GPHN: variants seen among roughly 807,000 people sequenced by gnomAD.
The protein encoded by GPHN is gephyrin.
GPHN carries 17 observed loss-of-function variants against 95.5 expected under a neutral mutation model. The ratio of observed to expected loss-of-function variants is 0.18; its 90% CI spans 0.12 to 0.27. GPHN has a LOEUF of 0.27. GPHN is among the 10% of genes least tolerant of loss of function. The pLI is 1.00. For missense variants in GPHN, 660 were observed against 978.1 expected, an observed-to-expected ratio of 0.67 and a Z score of 4.34; for synonymous variants, 320 against 322.5, an observed-to-expected ratio of 0.99 and a Z score of 0.08.
At chr14:67,254,025 T>TCCC in the GPHN span, among the ~76,000 whole-genome samples, 13 of 122,998 alleles carry the variant, frequency 1.1e-4, no homozygotes, top group East Asian at 8.1e-4. Context: ...CTTATATTCA[T>TCCC]CCCCCCCCCC....
intron 1 of GPHN, among the ~76,000 whole-genome samples, chr14:66,521,313 A>G (rs1450977732): frequency 6.6e-6 from 1 of 151,918 alleles, no homozygotes; most frequent in Non-Finnish European, 1.5e-5. Flanking sequence ...CTCACCTGGC[A>G]TGACTCACAT....
chr14:66,525,200 A>G (rs2058637586), intron 1 of GPHN, among the ~76,000 whole-genome samples: 1 of 152,192 alleles, frequency 6.6e-6, no homozygotes, highest in Admixed American at 6.5e-5. Flanking sequence ...AACTGGCGTG[A>G]GATGGTATCA....
chr14:67,002,781 A>G (rs2072325982), intron 9 of GPHN, among the ~76,000 whole-genome samples: 2 of 151,538 alleles, frequency 1.3e-5, no homozygotes, highest in African/African-American at 4.8e-5. Flanking sequence ...TATTAACTAT[A>G]TTATTATCAG....
chr14:67,261,425 T>A, the GPHN span, among the ~76,000 whole-genome samples: 2 of 152,146 alleles, frequency 1.3e-5, no homozygotes. Flanking sequence ...GTTGGTATAG[T>A]TATAAGTATG....
intron 4 of GPHN, among the ~76,000 whole-genome samples, chr14:66,875,146 C>A (rs1353269392): frequency 6.6e-6 from 1 of 152,156 alleles, no homozygotes; most frequent in African/African-American, 2.4e-5. Context: ...AATTTCATAT[C>A]TGGCCAAACT....
the GPHN span, chr14:67,302,672 G>T: frequency 2.2e-6 from 2 of 921,846 alleles, no homozygotes; most frequent in Non-Finnish European, 3.0e-6. Flanking sequence ...AGCACTAGAT[G>T]ATTTCTAGCC....
In GPHN at chr14:67,114,622, C is replaced by T. The variant is rs180929614; in HGVS notation, c.1626+1451C>T. On this transcript the variant is annotated intron_variant, in intron 16 of 22. Transcript: ENST00000478722. ...GGAGGATCACTTGAGCTCAAGAATT[C>T]AAGGCTGCAGTGAGCTATGATGGCA... is the stretch of plus-strand genomic sequence containing the variant. Among the ~76,000 whole-genome samples the T allele has an allele frequency of 3.3e-5, 5 of 152,264 alleles. 1 individual carries two copies. Among genetic ancestry groups the T allele is most frequent in the African/African-American group, 1.2e-4 (5 of 41,548 alleles).
intron 2 of GPHN, among the ~76,000 whole-genome samples, chr14:66,742,719 A>AATTTCTGGCCTTC (rs2072894448): frequency 6.6e-6 from 1 of 152,062 alleles, no homozygotes; most frequent in Admixed American, 6.6e-5. Context: ...TCTAAGCCTG[A>AATTTCTGGCCTTC]ATTTCTGGCC....
intron 11 of GPHN, among the ~76,000 whole-genome samples, chr14:67,079,148 A>G (rs1210353446): frequency 6.6e-6 from 1 of 152,100 alleles, no homozygotes; most frequent in Non-Finnish European, 1.5e-5. Flanking sequence ...TAAATATCAC[A>G]TATAGAAATG....
intron 2 of GPHN, among the ~76,000 whole-genome samples, chr14:66,752,461 T>C (rs2058402194): frequency 6.6e-6 from 1 of 152,066 alleles, no homozygotes; most frequent in African/African-American, 2.4e-5. Flanking sequence ...GGCCTAACGA[T>C]GTTGTTTCTC....
intron 16 of GPHN, among the ~76,000 whole-genome samples, chr14:67,118,089 C>G (rs1191388360): frequency 2.0e-5 from 3 of 152,048 alleles, no homozygotes; most frequent in Non-Finnish European, 4.4e-5. Flanking sequence ...ATAATTTTTC[C>G]TCTACCCTTG....
chr14:66,740,545 TAAAA>T (rs371122417), intron 2 of GPHN, among the ~76,000 whole-genome samples: 1 of 141,036 alleles, frequency 7.1e-6, no homozygotes, highest in Non-Finnish European at 1.6e-5. Context: ...ATTTAGTACT[TAAAA>T]AAAAAAAAAG....
At chr14:67,530,471 A>C in the GPHN span, among the ~76,000 whole-genome samples, 70 of 152,242 alleles carry the variant, frequency 4.6e-4, no homozygotes, top group African/African-American at 1.5e-3. Flanking sequence ...ACTCTGTAGG[A>C]ATTTATTTTT....
At chr14:66,689,207 C>T (rs2067605817) in intron 2 of GPHN, among the ~76,000 whole-genome samples, 1 of 152,100 alleles carries the variant, frequency 6.6e-6, no homozygotes, top group Non-Finnish European at 1.5e-5. Context: ...TGTTGAAGTA[C>T]ATTCCTTCTG....
chr14:66,795,014 G>C (rs1332725241), intron 3 of GPHN, among the ~76,000 whole-genome samples: 2 of 152,120 alleles, frequency 1.3e-5, no homozygotes, highest in Admixed American at 6.5e-5. Context: ...GGCTGAGGCA[G>C]GAGGATCACT....
At chr14:66,630,874 C>T (rs1442146021) in intron 1 of GPHN, among the ~76,000 whole-genome samples, 1 of 151,398 alleles carries the variant, frequency 6.6e-6, no homozygotes, top group Non-Finnish European at 1.5e-5. Flanking sequence ...TCATAGCTGT[C>T]ACTAACAAAT....
chr14:66,530,937 CTTGT>C (rs912308897), intron 1 of GPHN, among the ~76,000 whole-genome samples: 1 of 147,926 alleles, frequency 6.8e-6, no homozygotes, highest in African/African-American at 2.5e-5. Flanking sequence ...CCACTGTTTT[CTTGT>C]TTGTTTGTTA....
At chr14:66,786,703 A>G (rs1482483631) in intron 3 of GPHN, among the ~76,000 whole-genome samples, 2 of 152,110 alleles carry the variant, frequency 1.3e-5, no homozygotes, top group Non-Finnish European at 2.9e-5. Context: ...TTTGAAATAT[A>G]CAGAAAACTA....
At chr14:67,218,695 G>T in the GPHN span, among the ~76,000 whole-genome samples, 1 of 152,008 alleles carries the variant, frequency 6.6e-6, no homozygotes, top group East Asian at 1.9e-4. Context: ...GAGGCACTGC[G>T]GAACAGTTTC....
Sources: gnomAD v4.1 joint callset for allele counts (sites outside exome capture counted in the v4.1 genomes callset) on GRCh38, gnomAD v4.1.1 for gene constraint, MANE v1.5 for transcripts, NCBI Gene and HGNC (gene_info 2026-07-23, HGNC 2026-07-21) for gene names.